Variants in SPRED2 observed in about 807,000 individuals in gnomAD.
The protein encoded by SPRED2 is sprouty related EVH1 domain containing 2, also known as sprouty-related, EVH1 domain-containing protein 2.
In SPRED2, 47 loss-of-function variants were observed where a neutral mutation model predicts 43.0. That is an observed-to-expected ratio of 1.09 (90% CI 0.87 to 1.40). SPRED2 has a LOEUF of 1.40. Among genes scored for constraint, SPRED2 ranks in the 40% most tolerant of loss-of-function variants. SPRED2 has a pLI of 0.00. For missense variants in SPRED2, 561 were observed against 586.4 expected (o/e 0.96, Z 0.45); for synonymous variants, 225 against 225.7 (o/e 1.00, Z 0.03).
chr2:65,431,469 A>C (rs1189701558), intron 1 of SPRED2, among the ~76,000 whole-genome samples: 1 of 152,064 alleles, frequency 6.6e-6, no homozygotes, highest in East Asian at 1.9e-4. Flanking sequence ...ATGAATGAAA[A>C]TGTGGTATGC....
intron 2 of SPRED2, among the ~76,000 whole-genome samples, chr2:65,339,205 A>G (rs1284763056): frequency 1.4e-5 from 2 of 140,452 alleles, no homozygotes; most frequent in East Asian, 4.9e-4. Context: ...CTGCCCAGCC[A>G]CCACCCCGTC....
intron 1 of SPRED2, among the ~76,000 whole-genome samples, chr2:65,355,837 C>T (rs1046916376): frequency 1.3e-5 from 2 of 152,196 alleles, no homozygotes; most frequent in Admixed American, 1.3e-4. Context: ...AACGTTTCTT[C>T]TACTTTTTAT....
intron 1 of SPRED2, among the ~76,000 whole-genome samples, chr2:65,408,765 G>A (rs904452248): frequency 3.9e-5 from 6 of 152,226 alleles, no homozygotes; most frequent in Admixed American, 1.3e-4. Flanking sequence ...ATTTTTAGTA[G>A]AGATGGGGTT....
At chr2:65,407,973 A>G (rs1160004542) in intron 1 of SPRED2, among the ~76,000 whole-genome samples, 2 of 152,236 alleles carry the variant, frequency 1.3e-5, no homozygotes, top group Non-Finnish European at 2.9e-5. Context: ...CGATTATGAC[A>G]TGGTCCCTGT....
At chr2:65,360,383 G>A (rs1342230635) in intron 1 of SPRED2, among the ~76,000 whole-genome samples, 2 of 152,244 alleles carry the variant, frequency 1.3e-5, no homozygotes, top group East Asian at 3.8e-4. Flanking sequence ...GCAGTGAGTT[G>A]CTGGCATATA....
Position 65,313,182 on chromosome 2 carries a change from A to C in SPRED2, c.*319T>G. The C allele has an allele frequency of 1.9e-6, 2 of 1,070,878 alleles. No individual in the cohort carries two copies. The highest frequency in any genetic ancestry group is 1.1e-6 in the Non-Finnish European group (1 of 885,386). 66.3% of individuals were successfully genotyped at this position (1,070,878 alleles called of 1,614,324 possible). A position where few individuals can be genotyped will look rare whatever the true frequency, so the allele number is the denominator to read the frequency against. On this transcript the variant is annotated 3_prime_UTR_variant, in exon 6 of 6. Transcript: ENST00000356388. Reference sequence around the variant, plus strand: ...AAGAGGCGGGGGAGGAGGAAACAGGAAATCAACACATGGATGAGACAGTTA... The same window carrying C: ...AAGAGGCGGGGGAGGAGGAAACAGGCAATCAACACATGGATGAGACAGTTA...
At chr2:65,381,362 T>A (rs144876263) in intron 1 of SPRED2, among the ~76,000 whole-genome samples, 1 of 152,310 alleles carries the variant, frequency 6.6e-6, no homozygotes, top group African/African-American at 2.4e-5. Context: ...CCTTAACAGT[T>A]AAACACTCGG....
chr2:65,382,319 A>G (rs945607187), intron 1 of SPRED2, among the ~76,000 whole-genome samples: 3 of 152,196 alleles, frequency 2.0e-5, no homozygotes, highest in African/African-American at 4.8e-5. Context: ...AGAAGAAGAA[A>G]AAAAAGCCAG....
At chr2:65,327,912 T>TG (rs1319766244) in intron 4 of SPRED2, among the ~76,000 whole-genome samples, 2 of 151,468 alleles carry the variant, frequency 1.3e-5, no homozygotes, top group African/African-American at 2.4e-5. Context: ...TTAGTAGAGA[T>TG]GGGGTTTCAC....
intron 1 of SPRED2, among the ~76,000 whole-genome samples, chr2:65,350,567 G>C (rs11887828): frequency 1.3e-5 from 2 of 152,106 alleles, no homozygotes; most frequent in Non-Finnish European, 2.9e-5. Flanking sequence ...TTTAAATGTG[G>C]CTTCTTTAAG....
intron 1 of SPRED2, among the ~76,000 whole-genome samples, chr2:65,410,877 GCC>G (rs1245330393): frequency 6.6e-6 from 1 of 152,238 alleles, no homozygotes; most frequent in Non-Finnish European, 1.5e-5. Flanking sequence ...ACGGGAAGGA[GCC>G]TATTGTACTT....
chr2:65,404,359 C>T (rs1016412521), intron 1 of SPRED2, among the ~76,000 whole-genome samples: 4 of 152,120 alleles, frequency 2.6e-5, no homozygotes, highest in African/African-American at 9.7e-5. Flanking sequence ...ATATATATTA[C>T]ATGTATTAGT....
intron 1 of SPRED2, among the ~76,000 whole-genome samples, chr2:65,373,238 G>A (rs182749507): frequency 1.0e-3 from 153 of 152,272 alleles, no homozygotes; most frequent in Non-Finnish European, 1.8e-3. Context: ...TCCTTGTCTA[G>A]AAAATGCAGG....
chr2:65,393,224 C>T (rs1675678082), intron 1 of SPRED2, among the ~76,000 whole-genome samples: 2 of 152,154 alleles, frequency 1.3e-5, no homozygotes, highest in Non-Finnish European at 2.9e-5. Flanking sequence ...CTCTCCCCAG[C>T]CTGACTCTCC....
chr2:65,356,559 G>GTTTTTTTT (rs1674658356), intron 1 of SPRED2, among the ~76,000 whole-genome samples: 2 of 42,090 alleles, frequency 4.8e-5, no homozygotes, highest in East Asian at 6.4e-4. Flanking sequence ...TTTTTTTTTT[G>GTTTTTTTT]TGTGTGTGTA....
chr2:65,317,587 T>C (rs1405263265), intron 4 of SPRED2, among the ~76,000 whole-genome samples: 5 of 151,860 alleles, frequency 3.3e-5, no homozygotes, highest in Non-Finnish European at 7.4e-5. Context: ...AAAGAATGGT[T>C]ATCCCATCTG....
chr2:65,385,085 G>A (rs536429765), intron 1 of SPRED2, among the ~76,000 whole-genome samples: 1 of 149,618 alleles, frequency 6.7e-6, no homozygotes, highest in Non-Finnish European at 1.5e-5. Flanking sequence ...CAATTCTCCT[G>A]TCTCAGCCTC....
chr2:65,351,704 G>A (rs1674515285), intron 1 of SPRED2, among the ~76,000 whole-genome samples: 1 of 152,158 alleles, frequency 6.6e-6, no homozygotes, highest in Non-Finnish European at 1.5e-5. Context: ...TGTGTATGAA[G>A]TATATGTGAA....
intron 1 of SPRED2, among the ~76,000 whole-genome samples, chr2:65,395,746 C>T (rs1165241651): frequency 3.3e-5 from 5 of 152,150 alleles, no homozygotes. Flanking sequence ...GGGATAGTGT[C>T]CAGCACACAG....
Sources: gnomAD v4.1 joint callset for allele counts (sites outside exome capture counted in the v4.1 genomes callset) on GRCh38, gnomAD v4.1.1 for gene constraint, MANE v1.5 for transcripts, NCBI Gene and HGNC (gene_info 2026-07-23, HGNC 2026-07-21) for gene names.